The following RTF1 variants were observed in gnomAD, a reference collection of about 807,000 sequenced individuals.
RTF1 encodes the protein RTF1 homolog, Paf1/RNA polymerase II complex component, also known as RNA polymerase-associated protein RTF1 homolog.
A neutral mutation model predicts 95.7 loss-of-function variants in RTF1; 10 were observed. That is an observed-to-expected ratio of 0.10 (90% CI 0.06 to 0.18). The LOEUF (loss-of-function observed/expected upper bound fraction) is 0.18. Ranked by LOEUF, RTF1 falls within the 10% of genes least tolerant of loss-of-function variation. The pLI is 1.00. For missense variants in RTF1, 458 were observed against 875.6 expected, an observed-to-expected ratio of 0.52 and a Z score of 6.02; for synonymous variants, 305 against 311.8, an observed-to-expected ratio of 0.98 and a Z score of 0.23.
At chr15:41,480,493 C>G in intron 17 of RTF1, 88 bp from the exon 18 acceptor site, 1 of 1,070,922 alleles carries the variant, frequency 9.3e-7, no homozygotes, top group Non-Finnish European at 1.4e-6. Context: ...AACAGGGCCA[C>G]AGTCAGGAGG....
At chr15:41,447,497 A>G (rs2050769628) in intron 2 of RTF1, among the ~76,000 whole-genome samples, 1 of 152,240 alleles carries the variant, frequency 6.6e-6, no homozygotes, top group African/African-American at 2.4e-5. Context: ...ATTGTTGCCC[A>G]TTAAAATACC....
intron 8 of RTF1, among the ~76,000 whole-genome samples, chr15:41,473,381 C>T (rs1318761553): frequency 6.6e-6 from 1 of 151,602 alleles, no homozygotes; most frequent in Non-Finnish European, 1.5e-5. Flanking sequence ...ATCTGCCTTC[C>T]TTGGCCTCCC....
At chr15:41,453,506 G>A (rs1435514826) in intron 3 of RTF1, among the ~76,000 whole-genome samples, 1 of 152,024 alleles carries the variant, frequency 6.6e-6, no homozygotes, top group Non-Finnish European at 1.5e-5. Flanking sequence ...TGGGAGGATC[G>A]CTTGAGCCCA....
intron 8 of RTF1, 29 bp downstream of exon 8, chr15:41,471,378 C>CTTT (rs749759919): frequency 2.3e-5 from 36 of 1,587,820 alleles, no homozygotes; most frequent in Middle Eastern, 1.7e-4. Context: ...GGACAATTGT[C>CTTT]CATGCTTTCA....
intron 1 of RTF1, among the ~76,000 whole-genome samples, chr15:41,436,614 ACT>A (rs1244708789): frequency 7.4e-6 from 1 of 135,718 alleles, no homozygotes; most frequent in East Asian, 2.2e-4. Flanking sequence ...ACAGAGCAAG[ACT>A]CTGTCTCAAA....
At chr15:41,428,925 C>T (rs184767260) in intron 1 of RTF1, among the ~76,000 whole-genome samples, 80 of 152,134 alleles carry the variant, frequency 5.3e-4, no homozygotes, top group Middle Eastern at 3.4e-3. Flanking sequence ...TTAGTAGAGA[C>T]GGGGTTTCGT....
chr15:41,470,650 C>CCT (rs2050905702), intron 7 of RTF1, among the ~76,000 whole-genome samples: 1 of 75,442 alleles, frequency 1.3e-5, no homozygotes, highest in East Asian at 3.9e-4. Flanking sequence ...CATTCATTTT[C>CCT]TTTTTTTTTT....
rs543088486 is a variant in RTF1 at position 41,431,218 on chromosome 15, C to CTT, written c.199-7091_199-7090dup. 7.7e-5 allele frequency among the ~76,000 whole-genome samples: 10 copies of CTT among 129,994 alleles called. No individual in the cohort carries two copies. The East Asian group carries it at 9.0e-4, about 12-fold the overall frequency. The allele number at this position is 129,994 out of a possible 152,430, so 85.3% of individuals were successfully genotyped here. On this transcript the variant is annotated intron_variant, in intron 1 of 17. Coordinates refer to ENST00000389629, the MANE Select transcript of RTF1 (RefSeq NM_015138.5). ...TGCGTCCAGCGGGTTTTTCTTTTTTCTTTTTTTTTTTTTGAGAAGGAGTTT... is the reference window on the plus strand; with the variant it reads ...TGCGTCCAGCGGGTTTTTCTTTTTTCTTTTTTTTTTTTTTTGAGAAGGAGTTT...
chr15:41,433,912 T>C (rs540561600), intron 1 of RTF1, among the ~76,000 whole-genome samples: 1 of 150,978 alleles, frequency 6.6e-6, no homozygotes, highest in African/African-American at 2.4e-5. Context: ...ATGGTGCTAT[T>C]TCAGTTCACT....
chr15:41,459,740 T>G (rs1345437034), intron 4 of RTF1, among the ~76,000 whole-genome samples: 1 of 152,192 alleles, frequency 6.6e-6, no homozygotes, highest in Non-Finnish European at 1.5e-5. Context: ...GGTTTTTGTA[T>G]TTTTTTAAAA....
chr15:41,423,657 C>T lies in RTF1; in HGVS notation c.198+6344C>T, dbSNP rs147033063. On this transcript the variant is annotated intron_variant, in intron 1 of 17. Coordinates refer to ENST00000389629, the MANE Select transcript of RTF1 (RefSeq NM_015138.5). ...GTGCTGGGATTACAGGGGTGAGCCA[C>T]CACGCCCAGCCCTGGGAGCTTTAAC... Among the ~76,000 whole-genome samples, 142 of 152,206 alleles carry T rather than the reference C, an allele frequency of 9.3e-4. No individual in the cohort carries two copies. In the East Asian group the frequency reaches 0.024, roughly 25 times the overall value.
At chr15:41,431,467 G>A (rs896701017) in intron 1 of RTF1, among the ~76,000 whole-genome samples, 3 of 151,470 alleles carry the variant, frequency 2.0e-5, no homozygotes, top group African/African-American at 7.3e-5. Context: ...CACCTGCCTC[G>A]GCCTCCCAAA....
intron 6 of RTF1, among the ~76,000 whole-genome samples, chr15:41,469,659 G>A (rs1240763495): frequency 6.6e-6 from 1 of 151,948 alleles, no homozygotes; most frequent in Non-Finnish European, 1.5e-5. Flanking sequence ...CCAAGTAGCT[G>A]GGATAACAGG....
At chr15:41,425,167 GTC>G (rs2050622722) in intron 1 of RTF1, among the ~76,000 whole-genome samples, 1 of 151,992 alleles carries the variant, frequency 6.6e-6, no homozygotes, top group Non-Finnish European at 1.5e-5. Context: ...CAGTGGCGCT[GTC>G]TCTGCCACTG....
At chr15:41,460,953 T>A (rs1234003703) in intron 4 of RTF1, among the ~76,000 whole-genome samples, 7 of 151,138 alleles carry the variant, frequency 4.6e-5, no homozygotes, top group African/African-American at 7.3e-5. Context: ...CTTGGCTCAC[T>A]GCAACCTCCG....
chr15:41,480,663 C>T lies in RTF1; in HGVS notation c.2109C>T (p.Tyr703=). Residue 703 remains tyrosine, a synonymous_variant, in exon 18 of 18, where the codon TAC becomes TAT. Coordinates refer to ENST00000389629, the MANE Select transcript of RTF1 (RefSeq NM_015138.5). ...APRRSLNLED[Y]KKRRGLI The stretch of plus-strand genomic sequence containing the variant: ...GGAGATCTCTGAACTTGGAAGACTA[C>T]AAAAAACGACGAGGGCTTATTTGAG... 1 of 1,589,098 alleles carries T rather than the reference C, an allele frequency of 6.3e-7. No homozygotes were observed.
At chr15:41,426,779 ATATGTG>A (rs1242703256) in intron 1 of RTF1, among the ~76,000 whole-genome samples, 3,949 of 77,472 alleles carry the variant, frequency 0.051, 77 homozygotes, top group Middle Eastern at 0.056. Context: ...CGCTACATAT[ATATGTG>A]TGTGTGTGTG....
At chr15:41,435,481 A>G (rs1204495893) in intron 1 of RTF1, among the ~76,000 whole-genome samples, 1 of 151,130 alleles carries the variant, frequency 6.6e-6, no homozygotes, top group African/African-American at 2.4e-5. Flanking sequence ...AGTTTACCTC[A>G]GGTTTTAAAA....
chr15:41,434,304 A>G (rs2050691044), intron 1 of RTF1, among the ~76,000 whole-genome samples: 3 of 152,106 alleles, frequency 2.0e-5, no homozygotes, highest in Non-Finnish European at 2.9e-5. Context: ...CAGCTGGTAA[A>G]TGGTTCAACA....
Sources: gnomAD v4.1 joint callset for allele counts (sites outside exome capture counted in the v4.1 genomes callset) on GRCh38, gnomAD v4.1.1 for gene constraint, MANE v1.5 for transcripts, NCBI Gene and HGNC (gene_info 2026-07-23, HGNC 2026-07-21) for gene names.